The following OVOL3 variants were observed in gnomAD, a reference collection of about 807,000 sequenced individuals.
OVOL3 encodes the protein putative transcription factor ovo-like protein 3.
OVOL3 carries 15 observed loss-of-function variants against 13.6 expected under a neutral mutation model. The ratio of observed to expected loss-of-function variants is 1.11; its 90% confidence interval spans 0.74 to 1.70. The LOEUF (loss-of-function observed/expected upper bound fraction) is 1.70. Ranked by LOEUF, OVOL3 falls within the 40% of genes most tolerant of loss-of-function variation. The pLI, the probability that OVOL3 is intolerant of heterozygous loss-of-function variation, is 0.00. For synonymous variants in OVOL3, 102 were observed against 108.5 expected (o/e 0.94, Z 0.37); for missense variants, 290 against 280.6 (o/e 1.03, Z -0.24).
Position 36,112,911 on chromosome 19 carries a change from GCAAGGGCTTTCATGA to G in OVOL3, c.313_327del (p.Lys105_Asp109del). On this transcript the variant is annotated inframe_deletion, in exon 3 of 4. Coordinates refer to ENST00000633214, the MANE Select transcript of OVOL3 (RefSeq NM_001302757.2). The stretch of plus-strand genomic sequence containing the variant: ...CGCCGCCACCTGTGCCGCTGTTGTG[GCAAGGGCTTTCATGA>G]CGCCTTCGATCTCAAGCGCCACATG... 1 of 1,536,268 alleles carries G rather than the reference GCAAGGGCTTTCATGA, an allele frequency of 6.5e-7. No homozygotes were observed. The highest frequency in any genetic ancestry group is 8.7e-7 in the Non-Finnish European group (1 of 1,146,944).
intron 2 of OVOL3, among the ~76,000 whole-genome samples, chr19:36,112,074 G>A (rs1973834588): frequency 6.6e-6 from 1 of 152,014 alleles, no homozygotes; most frequent in Non-Finnish European, 1.5e-5. Context: ...GGTGGCACGT[G>A]CCTGTAATCC....
At position 36,113,459 on chromosome 19, in the gene OVOL3, G is replaced by C. The variant is rs765017565; in HGVS notation, c.371G>C (p.Arg124Pro). ...KRHMRTHTGI[R>P]PFRCSACGKA... is the part of the protein sequence containing the mutation. ...TCTGCGCCCATCTGTGCAGGGATCC[G>C]GCCCTTCCGCTGCAGTGCTTGCGGG... The change falls in exon 4 of 4, where the codon CGG (arginine) becomes CCG (proline). Residue 124 changes from arginine to proline, a missense_variant. Physicochemically the swap from Arg to Pro is moderately radical, Grantham distance 103. Coordinates refer to ENST00000633214, the MANE Select transcript of OVOL3 (RefSeq NM_001302757.2). 3.1e-5 allele frequency: 48 copies of C among 1,534,744 alleles called. 1 individual carries two copies. In the South Asian group the frequency reaches 3.9e-4, roughly 13 times the overall value.
rs1046998130 is a variant in OVOL3 at position 36,111,206 on chromosome 19, C to T, written c.4C>T (p.Pro2Ser). 85 of 1,533,232 alleles carry T rather than the reference C, an allele frequency of 5.5e-5. No individual in the cohort carries two copies. The Middle Eastern group carries it at 7.8e-4, about 14-fold the overall frequency. The allele number at this position is 1,533,232 out of a possible 1,614,324, so 95.0% of individuals were successfully genotyped here. A position where few individuals can be genotyped will look rare whatever the true frequency, so the allele number is the denominator to read the frequency against. The change falls in exon 1 of 4, where the codon CCC (proline) becomes TCC (serine). Residue 2 changes from proline (P) to serine (S), a missense_variant. Coordinates refer to ENST00000633214, the MANE Select transcript of OVOL3 (RefSeq NM_001302757.2). M[P>S]RAFLVRSRRP... Reference sequence around the variant, plus strand: ...TGTGGAGAGCCTTCCGGAGGGCATGCCCCGCGCCTTCCTGGTCAGGAGTCG... The same window carrying T: ...TGTGGAGAGCCTTCCGGAGGGCATGTCCCGCGCCTTCCTGGTCAGGAGTCG...
At chr19:36,112,342 A>G (rs1175032592) in intron 2 of OVOL3, among the ~76,000 whole-genome samples, 2 of 152,194 alleles carry the variant, frequency 1.3e-5, no homozygotes, top group Non-Finnish European at 2.9e-5. Flanking sequence ...CAACATGGTG[A>G]AACCCCATCT....
At chr19:36,113,227 T>A (rs1399353456) in intron 3 of OVOL3, among the ~76,000 whole-genome samples, 1 of 151,872 alleles carries the variant, frequency 6.6e-6, no homozygotes, top group Non-Finnish European at 1.5e-5. Context: ...TCCCTCTCCA[T>A]CCCCCAGGGG....
Position 36,112,783 on chromosome 19 carries a change from C to T in OVOL3, c.183C>T (p.Thr61=). ...AGCAGCCCACACAGGGCAACCTGACCTCTGCTCCCAGGGGCCCTGGGACGC... is the reference window on the plus strand; with the variant it reads ...AGCAGCCCACACAGGGCAACCTGACTTCTGCTCCCAGGGGCCCTGGGACGC... ...WTAQPTQGNL[T]SAPRGPGTLG... is the part of the protein sequence containing the mutation. The change falls in exon 3 of 4, where the codon ACC becomes ACT. Residue 61 remains threonine (T), a synonymous_variant. Transcript: ENST00000633214. 6.5e-7 allele frequency: 1 copy of T among 1,534,728 alleles called. No homozygotes were observed. Among genetic ancestry groups the T allele is most frequent in the Non-Finnish European group, 8.7e-7 (1 of 1,146,666 alleles).
In OVOL3 at chr19:36,112,956, C is replaced by T; in HGVS notation, c.356C>T (p.Thr119Ile). The change falls in exon 3 of 4, where the codon ACT (threonine) becomes ATT (isoleucine). Residue 119 changes from threonine (T) to isoleucine (I), a missense_variant. By Grantham distance (89) the Thr-to-Ile change is moderately conservative (BLOSUM62 -1). Coordinates refer to ENST00000633214, the MANE Select transcript of OVOL3 (RefSeq NM_001302757.2). ...DAFDLKRHMR[T>I]HTGIRPFRCS... Reference sequence around the variant, plus strand: ...TTCGATCTCAAGCGCCACATGAGGACTCACACTGGTGAGCAGTGGCAGGGA... The same window carrying T: ...TTCGATCTCAAGCGCCACATGAGGATTCACACTGGTGAGCAGTGGCAGGGA... The T allele has an allele frequency of 1.3e-6, 2 of 1,536,208 alleles. No homozygotes were observed. The highest frequency in any genetic ancestry group is 8.7e-7 in the Non-Finnish European group (1 of 1,146,836).
At chr19:36,113,263 G>A (rs1973868656) in intron 3 of OVOL3, among the ~76,000 whole-genome samples, 190 bp from the exon 4 acceptor site, 1 of 152,178 alleles carries the variant, frequency 6.6e-6, no homozygotes, top group South Asian at 2.1e-4. Flanking sequence ...GAGGGAGAGT[G>A]GAGACACAGG....
Position 36,112,941 on chromosome 19 carries a change from A to T in OVOL3, c.341A>T (p.Lys114Met), listed in dbSNP as rs149534478. 2.3e-3 allele frequency: 3,552 copies of T among 1,536,392 alleles called. 82 individuals carry two copies. In the South Asian group the frequency reaches 0.03, roughly 13 times the overall value. ...GGCTTTCATGACGCCTTCGATCTCAAGCGCCACATGAGGACTCACACTGGT... is the reference window on the plus strand; with the variant it reads ...GGCTTTCATGACGCCTTCGATCTCATGCGCCACATGAGGACTCACACTGGT... The part of the protein sequence containing the change: ...GKGFHDAFDL[K>M]RHMRTHTGIR... The change falls in exon 3 of 4, where the codon AAG becomes ATG. Residue 114 changes from lysine (K) to methionine (M), a missense_variant. Coordinates refer to ENST00000633214, the MANE Select transcript of OVOL3 (RefSeq NM_001302757.2).
intron 2 of OVOL3, chr19:36,111,908 G>A: frequency 2.2e-6 from 1 of 454,532 alleles, no homozygotes; most frequent in Non-Finnish European, 4.4e-6. Context: ...ATTCTGGTTG[G>A]GGCTGCATGT....
At position 36,112,848 on chromosome 19, in the gene OVOL3, G is replaced by A. The variant is rs777349547; in HGVS notation, c.248G>A (p.Arg83His). Residue 83 changes from arginine to histidine, a missense_variant, in exon 3 of 4, where the codon CGC (arginine) becomes CAC (histidine). By Grantham distance (29) the Arg-to-His change is conservative. Transcript: ENST00000633214. Reference protein sequence around the residue: ...PLCPKAFPLQRMLTRHLKCHS... With the variant: ...PLCPKAFPLQHMLTRHLKCHS... ...TGCCCTAAGGCCTTCCCTCTGCAGC[G>A]CATGCTGACAAGGCACCTCAAGTGC... is the stretch of plus-strand genomic sequence containing the variant. The A allele has an allele frequency of 7.8e-6, 12 of 1,535,912 alleles. No individual in the cohort carries two copies. Among genetic ancestry groups the A allele is most frequent in the South Asian group, 2.4e-5 (2 of 84,070 alleles).
Position 36,111,143 on chromosome 19 carries a change from G to A in OVOL3, c.-60G>A, listed in dbSNP as rs1477432740. The A allele has an allele frequency of 4.7e-5, 65 of 1,382,306 alleles. No homozygotes were observed. Among genetic ancestry groups the A allele is most frequent in the Non-Finnish European group, 4.7e-5 (48 of 1,025,100 alleles). 85.6% of individuals were successfully genotyped at this position (1,382,306 alleles called of 1,614,324 possible). A position where few individuals can be genotyped will look rare whatever the true frequency, so the allele number is the denominator to read the frequency against. Reference sequence around the variant, plus strand: ...TTTCCCACCAGGGATAGTCATCCTGGGGCTGAGGTCTGACAGCAGGTGGAA... The same window carrying A: ...TTTCCCACCAGGGATAGTCATCCTGAGGCTGAGGTCTGACAGCAGGTGGAA... On this transcript the variant is annotated 5_prime_UTR_variant, in exon 1 of 4. Coordinates refer to ENST00000633214, the MANE Select transcript of OVOL3 (RefSeq NM_001302757.2).
At chr19:36,111,495 G>A (rs1221283175) in intron 2 of OVOL3, 62 bp downstream of exon 2, 1 of 1,490,096 alleles carries the variant, frequency 6.7e-7, no homozygotes, top group African/African-American at 1.4e-5. Flanking sequence ...CAGCCTTAAT[G>A]AAGCTGACAG....
rs1973829990 is a variant in OVOL3, at chr19:36,111,912, T to C, written c.159+479T>C. ...ATGGAGCTTATATTCTGGTTGGGGC[T>C]GCATGTATAGACAATAAAATTAGTC... On this transcript the variant is annotated intron_variant, in intron 2 of 3. Transcript: ENST00000633214. The C allele has an allele frequency of 2.0e-5, 9 of 453,508 alleles. No homozygotes were observed. In the Admixed American group the frequency reaches 2.1e-4, roughly 11 times the overall value. The allele number at this position is 453,508 out of a possible 1,614,324, so 28.1% of individuals were successfully genotyped here.
Position 36,111,271 on chromosome 19 carries a change from G to A in OVOL3, c.69G>A (p.Gln23=). 6.5e-7 allele frequency: 1 copy of A among 1,536,036 alleles called. No individual in the cohort carries two copies. The highest frequency in any genetic ancestry group is 8.7e-7 in the Non-Finnish European group (1 of 1,146,870). ...CCAACTGGGGCCATCTGCCTGACCA[G>A]CTCCGGGGAGATGCCTATATCCCAG... ...QPPNWGHLPD[Q]LRGDAYIPDC... The change falls in exon 1 of 4, where the codon CAG becomes CAA. Residue 23 remains glutamine, a synonymous_variant. Coordinates refer to ENST00000633214, the MANE Select transcript of OVOL3 (RefSeq NM_001302757.2).
chr19:36,112,298 T>G (rs146545651), intron 2 of OVOL3, among the ~76,000 whole-genome samples: 3 of 151,960 alleles, frequency 2.0e-5, no homozygotes, highest in Non-Finnish European at 2.9e-5. Flanking sequence ...GGTGGGTGGA[T>G]TGCTTGAGGT....
At chr19:36,113,404 G>C (rs1200401111) in intron 3 of OVOL3, 49 bp from the exon 4 acceptor site, 1 of 1,508,300 alleles carries the variant, frequency 6.6e-7, no homozygotes, top group Admixed American at 2.0e-5. Context: ...TTAGTCCAGA[G>C]CCCATTGCCC....
chr19:36,111,535 G>A (rs971063582), intron 2 of OVOL3, 102 bp downstream of exon 2: 11 of 1,204,438 alleles, frequency 9.1e-6, no homozygotes, highest in Non-Finnish European at 1.2e-5. Context: ...ATCTGCACAC[G>A]CCCTCCAGCC....
intron 2 of OVOL3, 105 bp from the exon 3 acceptor site, chr19:36,112,655 A>G (rs1973850749): frequency 9.4e-7 from 1 of 1,062,360 alleles, no homozygotes; most frequent in African/African-American, 1.6e-5. Flanking sequence ...CTGCCTTCCT[A>G]ATCCTCCGTG....
Sources: allele counts gnomAD v4.1 joint callset (sites outside exome capture counted in the v4.1 genomes callset), GRCh38; gene constraint gnomAD v4.1.1; transcripts MANE v1.5; gene names NCBI Gene and HGNC (gene_info 2026-07-23, HGNC 2026-07-21).